The following KSR2 variants were observed in gnomAD, a reference collection of about 807,000 sequenced individuals.
KSR2 encodes the protein kinase suppressor of ras 2.
Under a neutral mutation model 107.8 loss-of-function variants are expected in KSR2, and 25 were observed. The ratio of observed to expected loss-of-function variants is 0.23; its 90% confidence interval spans 0.17 to 0.32. The LOEUF (loss-of-function observed/expected upper bound fraction) is 0.32. KSR2 is among the 10% of genes least tolerant of loss of function. The pLI is 1.00. For synonymous variants in KSR2, 480 were observed against 507.0 expected (o/e 0.95, Z 0.71); for missense variants, 887 against 1,268.9 (o/e 0.70, Z 4.57).
chr12:117,488,265 G>A (rs748862577), intron 14 of KSR2, among the ~76,000 whole-genome samples: 3 of 152,052 alleles, frequency 2.0e-5, no homozygotes, highest in Non-Finnish European at 4.4e-5. Flanking sequence ...GCGTGAAAAC[G>A]GACTAATACA....
At position 117,955,016 on chromosome 12, in the gene KSR2, C is replaced by CAA. The variant is rs377637674; in HGVS notation, c.180+13058_180+13059dup. On this transcript the variant is annotated intron_variant, in intron 1 of 19. Transcript: ENST00000339824. ...TGGGCAAGAGAGCGAGACCCTGTCT[C>CAA]AAAAAAAAAAAAAAAAATTTGCCAT... Among the ~76,000 whole-genome samples, 1,220 of 122,378 alleles carry CAA rather than the reference C, an allele frequency of 1.0e-2. 19 individuals carry two copies. The highest frequency in any genetic ancestry group is 0.034 in the African/African-American group (1,164 of 33,864). The allele number at this position is 122,378 out of a possible 152,430, so 80.3% of individuals were successfully genotyped here. A position where few individuals can be genotyped will look rare whatever the true frequency, so the allele number is the denominator to read the frequency against.
chr12:117,545,415 C>T (rs1876783431), intron 9 of KSR2, among the ~76,000 whole-genome samples: 1 of 152,154 alleles, frequency 6.6e-6, no homozygotes, highest in Admixed American at 6.5e-5. Context: ...GTGACACCAT[C>T]TGGAGATTTC....
At chr12:117,562,507 C>A (rs1878193396) in intron 7 of KSR2, among the ~76,000 whole-genome samples, 1 of 151,938 alleles carries the variant, frequency 6.6e-6, no homozygotes, top group Non-Finnish European at 1.5e-5. Flanking sequence ...ACACCCCCAC[C>A]TAAAAGTCAT....
chr12:117,855,615 G>T (rs1893077616), intron 2 of KSR2, 37 bp from the exon 3 acceptor site: 2 of 1,610,224 alleles, frequency 1.2e-6, no homozygotes, highest in African/African-American at 2.7e-5. Context: ...CCGTGGGGCA[G>T]GAACAGCATC....
chr12:117,816,400 T>A (rs1042225303), intron 3 of KSR2, among the ~76,000 whole-genome samples: 7 of 151,986 alleles, frequency 4.6e-5, no homozygotes, highest in African/African-American at 1.7e-4. Flanking sequence ...AGACAAACTA[T>A]CCCCTCTGTG....
intron 3 of KSR2, among the ~76,000 whole-genome samples, chr12:117,798,374 T>C (rs1890708324): frequency 6.6e-6 from 1 of 152,208 alleles, no homozygotes. Context: ...GGCTCACGCC[T>C]GTCATCCCAG....
Position 117,579,227 on chromosome 12 carries a change from T to A in KSR2, c.1242-25A>T, listed in dbSNP as rs779855538. 5.7e-5 allele frequency: 90 copies of A among 1,575,422 alleles called. 1 individual carries two copies. Among genetic ancestry groups the A allele is most frequent in the Non-Finnish European group, 7.6e-5 (87 of 1,146,488 alleles). On this transcript the variant is annotated intron_variant, in intron 6 of 19. Transcript: ENST00000339824. ...CCTGTGGAAAAGAGACAGAAAATGT[T>A]CAAGGTTAAGGAAATGGCGACTGAC...
At chr12:117,948,595 G>T (rs1349743881) in intron 1 of KSR2, among the ~76,000 whole-genome samples, 1 of 152,020 alleles carries the variant, frequency 6.6e-6, no homozygotes, top group Non-Finnish European at 1.5e-5. Context: ...TCCAGAAGTA[G>T]ACTATAAATA....
At chr12:117,574,892 GA>G (rs35204005) in intron 7 of KSR2, among the ~76,000 whole-genome samples, 31,018 of 115,228 alleles carry the variant, frequency 0.27, 5,387 homozygotes, top group African/African-American at 0.53. Context: ...TGCTCTGGGT[GA>G]AAAAAAAAAA....
chr12:117,635,647 C>T (rs928267927), intron 5 of KSR2, among the ~76,000 whole-genome samples: 2 of 152,142 alleles, frequency 1.3e-5, no homozygotes, highest in Admixed American at 1.3e-4. Context: ...TCAAGGTTTA[C>T]ATTTTGGAAT....
At chr12:117,931,588 C>G (rs868267870) in intron 1 of KSR2, among the ~76,000 whole-genome samples, 3 of 152,208 alleles carry the variant, frequency 2.0e-5, no homozygotes, top group African/African-American at 7.2e-5. Flanking sequence ...CGTCACCCTT[C>G]CCAACAATTT....
intron 1 of KSR2, among the ~76,000 whole-genome samples, chr12:117,962,479 CT>C (rs1896687791): frequency 2.0e-5 from 3 of 150,064 alleles, no homozygotes; most frequent in African/African-American, 7.4e-5. Context: ...TAGTCTCCCT[CT>C]GTCACCCAGG....
chr12:117,638,431 G>C (rs1883206385), intron 5 of KSR2, among the ~76,000 whole-genome samples: 1 of 151,920 alleles, frequency 6.6e-6, no homozygotes, highest in Non-Finnish European at 1.5e-5. Flanking sequence ...ACTGTGGGGT[G>C]CCACACAGTG....
At chr12:117,578,067 A>T (rs1057144345) in intron 7 of KSR2, among the ~76,000 whole-genome samples, 3 of 152,052 alleles carry the variant, frequency 2.0e-5, no homozygotes, top group African/African-American at 7.2e-5. Flanking sequence ...TGTGGAAGAG[A>T]AAGGAAGCTT....
intron 3 of KSR2, among the ~76,000 whole-genome samples, chr12:117,766,003 T>C (rs928831913): frequency 1.3e-5 from 2 of 152,178 alleles, no homozygotes; most frequent in African/African-American, 4.8e-5. Context: ...GATCCCAGTC[T>C]AGTGAAAATG....
At chr12:117,853,017 G>A (rs921033237) in intron 3 of KSR2, among the ~76,000 whole-genome samples, 7 of 152,110 alleles carry the variant, frequency 4.6e-5, no homozygotes, top group African/African-American at 1.2e-4. Flanking sequence ...TGGTCAGGCT[G>A]GTCTCAAACT....
chr12:117,527,847 G>A (rs1377968959), intron 12 of KSR2, among the ~76,000 whole-genome samples: 3 of 152,088 alleles, frequency 2.0e-5, no homozygotes, highest in African/African-American at 7.2e-5. Flanking sequence ...GAATTACTGG[G>A]TGTATTTGAA....
At chr12:117,885,638 T>C (rs937806896) in intron 1 of KSR2, among the ~76,000 whole-genome samples, 3 of 147,628 alleles carry the variant, frequency 2.0e-5, no homozygotes, top group Non-Finnish European at 4.4e-5. Flanking sequence ...TAATTATATG[T>C]ATATAATATA....
chr12:117,719,450 C>G (rs917361054), intron 4 of KSR2, among the ~76,000 whole-genome samples: 1 of 152,206 alleles, frequency 6.6e-6, no homozygotes, highest in African/African-American at 2.4e-5. Flanking sequence ...CCCACCTTGG[C>G]CTCCCAAAGT....
Sources: gnomAD v4.1 joint callset for allele counts (sites outside exome capture counted in the v4.1 genomes callset) on GRCh38, gnomAD v4.1.1 for gene constraint, MANE v1.5 for transcripts, NCBI Gene and HGNC (gene_info 2026-07-23, HGNC 2026-07-21) for gene names.